Variants in MESD observed in about 807,000 individuals in gnomAD.
MESD encodes the protein mesoderm development LRP chaperone.
Under a neutral mutation model 12.9 loss-of-function variants are expected in MESD, and 7 were observed. That is an observed-to-expected ratio of 0.54 (90% CI 0.31 to 1.02). The LOEUF is 1.02. Among genes scored for constraint, MESD ranks in the 50% least tolerant of loss-of-function variants. The pLI, the probability that MESD is intolerant of heterozygous loss-of-function variation, is 0.05. For synonymous variants in MESD, 126 were observed against 115.6 expected (o/e 1.09, Z -0.58); for missense variants, 342 against 296.7 (o/e 1.15, Z -1.12).
At chr15:80,982,531 A>C (rs531397121) in intron 1 of MESD, among the ~76,000 whole-genome samples, 1 of 152,362 alleles carries the variant, frequency 6.6e-6, no homozygotes, top group South Asian at 2.1e-4. Flanking sequence ...ACAAATACTG[A>C]TACATCTAAC....
At chr15:80,958,724 A>T (rs535598645) in intron 3 of MESD, among the ~76,000 whole-genome samples, 4 of 152,158 alleles carry the variant, frequency 2.6e-5, no homozygotes, top group Non-Finnish European at 5.9e-5. Context: ...TTAGCAGTAT[A>T]AACAATCTGC....
At chr15:80,963,566 T>C (rs1902125018) in intron 3 of MESD, among the ~76,000 whole-genome samples, 1 of 152,186 alleles carries the variant, frequency 6.6e-6, no homozygotes, top group Non-Finnish European at 1.5e-5. Context: ...TGAAGATCAA[T>C]GCGAAAATCC....
chr15:80,986,075 T>G (rs1201785445), intron 1 of MESD, among the ~76,000 whole-genome samples: 2 of 151,966 alleles, frequency 1.3e-5, no homozygotes, highest in African/African-American at 2.4e-5. Flanking sequence ...ATTGTATATG[T>G]GTGTGTGTGT....
intron 1 of MESD, among the ~76,000 whole-genome samples, chr15:80,985,432 T>C (rs141087828): frequency 8.5e-5 from 13 of 152,242 alleles, no homozygotes; most frequent in African/African-American, 3.1e-4. Context: ...AATCACTGCA[T>C]GGAAATTATA....
intron 3 of MESD, among the ~76,000 whole-genome samples, chr15:80,958,933 G>A (rs1902036030): frequency 6.6e-6 from 1 of 152,210 alleles, no homozygotes; most frequent in Admixed American, 6.5e-5. Flanking sequence ...TCCAGGCTAA[G>A]GAAGAGAAGG....
downstream of MESD, among the ~76,000 whole-genome samples, chr15:80,971,614 G>A (rs553934602): frequency 2.6e-5 from 4 of 152,252 alleles, no homozygotes; most frequent in East Asian, 5.8e-4. Context: ...TCCAATAGGA[G>A]CAATAAAGTC....
intron 1 of MESD, among the ~76,000 whole-genome samples, chr15:80,983,765 T>C (rs1176610939): frequency 1.3e-5 from 2 of 152,102 alleles, no homozygotes; most frequent in African/African-American, 2.4e-5. Context: ...GCAGCTCTCA[T>C]GGGCCAAAGT....
downstream of MESD, chr15:80,947,131 G>A (rs954860418): frequency 2.0e-6 from 2 of 1,022,952 alleles, no homozygotes; most frequent in African/African-American, 3.2e-5. Context: ...TGGCATGGAG[G>A]GTGCTGTCAT....
At chr15:80,959,474 T>C (rs16972598) in intron 3 of MESD, among the ~76,000 whole-genome samples, 1,687 of 152,256 alleles carry the variant, frequency 0.011, 32 homozygotes, top group African/African-American at 0.038. Context: ...GGGTTCCTGA[T>C]AGAAAGAGGA....
At chr15:80,967,323 G>GAA (rs1567121432) in intron 3 of MESD, among the ~76,000 whole-genome samples, 1 of 152,086 alleles carries the variant, frequency 6.6e-6, no homozygotes. Context: ...GAAAAGAAAA[G>GAA]AAGTAGGAGC....
rs557359966 is a variant in MESD at position 80,960,576 on chromosome 15, G to A, written c.*289-8280C>T. Among the ~76,000 whole-genome samples, 4 of 152,124 alleles carry A rather than the reference G, an allele frequency of 2.6e-5. No homozygotes were observed. The South Asian group carries it at 6.2e-4, about 24-fold the overall frequency. ...ATTATTTCTCCTTCAAATTCTAGAG[G>A]GAAAACACTTGATATATGGTTGAAT... On this transcript the variant is annotated intron_variant, in intron 3 of 4. Transcript: ENST00000561312.
chr15:80,980,277 C>T (rs1394337025), intron 2 of MESD, among the ~76,000 whole-genome samples: 1 of 152,176 alleles, frequency 6.6e-6, no homozygotes, highest in Non-Finnish European at 1.5e-5. Flanking sequence ...AGTACTCCTC[C>T]CATTTCTTGT....
downstream of MESD, chr15:80,947,231 G>A (rs1567114715): frequency 1.6e-6 from 1 of 611,850 alleles, no homozygotes; most frequent in Admixed American, 2.7e-5. Context: ...GAATGGATGG[G>A]CAAGATGCCA....
intron 3 of MESD, among the ~76,000 whole-genome samples, chr15:80,968,344 G>A (rs376097001): frequency 2.6e-5 from 4 of 152,288 alleles, no homozygotes; most frequent in East Asian, 3.9e-4. Context: ...CCCTCCCTTA[G>A]AGTGTCAAGC....
chr15:80,952,237 AGAC>A (rs1384328353), exon 4 of MESD: 1 of 456,288 alleles, frequency 2.2e-6, no homozygotes, highest in South Asian at 1.5e-5. Flanking sequence ...TCAAACTGGC[AGAC>A]GAGAGGCAGG....
In MESD at chr15:80,977,602, T is replaced by C. The variant is rs1234431760; in HGVS notation, c.*1617A>G. ...ACAGCTGCTTTATACTGGGCCATTATGGCTATGCAGGACAGTAACCCCATC... is the reference window on the plus strand; with the variant it reads ...ACAGCTGCTTTATACTGGGCCATTACGGCTATGCAGGACAGTAACCCCATC... On this transcript the variant is annotated 3_prime_UTR_variant, in exon 3 of 3. Transcript: ENST00000261758. The C allele has an allele frequency of 6.6e-6, 1 of 152,240 alleles. No individual in the cohort carries two copies. Among genetic ancestry groups the C allele is most frequent in the Non-Finnish European group, 1.5e-5 (1 of 68,042 alleles). 9.4% of individuals were successfully genotyped at this position (152,240 alleles called of 1,614,324 possible). A position where few individuals can be genotyped will look rare whatever the true frequency, so the allele number is the denominator to read the frequency against.
At chr15:80,980,028 G>T (rs910605973) in intron 2 of MESD, among the ~76,000 whole-genome samples, 1 of 152,212 alleles carries the variant, frequency 6.6e-6, no homozygotes, top group Non-Finnish European at 1.5e-5. Context: ...CACTCGAAAG[G>T]TCCCAAGGAA....
rs574992274 is a variant in MESD at position 80,989,809 on chromosome 15, G to C, written c.-18C>G. On this transcript the variant is annotated 5_prime_UTR_variant, in exon 1 of 3. Transcript: ENST00000261758. Reference sequence around the variant, plus strand: ...GCCGCCATTTTCGCTGCGCCGCGCAGCGCCCTAGACGCGCTTACCCGACCT... The same window carrying C: ...GCCGCCATTTTCGCTGCGCCGCGCACCGCCCTAGACGCGCTTACCCGACCT... The C allele has an allele frequency of 6.4e-7, 1 of 1,552,648 alleles. No individual in the cohort carries two copies. Among genetic ancestry groups the C allele is most frequent in the Admixed American group, 1.9e-5 (1 of 52,446 alleles).
chr15:80,989,649 G>A lies in MESD; in HGVS notation c.143C>T (p.Pro48Leu). 1.2e-6 allele frequency: 2 copies of A among 1,613,972 alleles called. No individual in the cohort carries two copies. The highest frequency in any genetic ancestry group is 1.7e-6 in the Non-Finnish European group (2 of 1,180,016). ...PGTPDESTPP[P>L]RKKKKDIRDY... ...GCGAATATCCTTCTTCTTCTTCCGG[G>A]GAGGTGGGGTAGACTCGTCGGGCGT... The change falls in exon 1 of 3, where the codon CCC becomes CTC. Residue 48 changes from proline to leucine, a missense_variant. Physicochemically the swap from Pro to Leu is moderately conservative, Grantham distance 98. Coordinates refer to ENST00000261758, the MANE Select transcript of MESD (RefSeq NM_015154.3).
Sources: allele counts gnomAD v4.1 joint callset (sites outside exome capture counted in the v4.1 genomes callset), GRCh38; gene constraint gnomAD v4.1.1; transcripts MANE v1.5; gene names NCBI Gene and HGNC (gene_info 2026-07-23, HGNC 2026-07-21).